The following NOL4 variants were observed in gnomAD, a reference collection of about 807,000 sequenced individuals.
NOL4 encodes nucleolar protein 4.
In NOL4, 17 loss-of-function variants were observed where a neutral mutation model predicts 75.9. The ratio of observed to expected loss-of-function variants is 0.22; its 90% CI spans 0.15 to 0.34. The LOEUF (loss-of-function observed/expected upper bound fraction) is 0.34, where lower values mean the gene tolerates loss of function less well. Among genes scored for constraint, NOL4 ranks in the 10% least tolerant of loss-of-function variants. The pLI, the probability that NOL4 is intolerant of heterozygous loss-of-function variation, is 1.00. For synonymous variants in NOL4, 292 were observed against 289.9 expected (o/e 1.01, Z -0.07); for missense variants, 614 against 793.5 (o/e 0.77, Z 2.72).
At chr18:33,926,978 T>C (rs1193473102) in intron 9 of NOL4, among the ~76,000 whole-genome samples, 1 of 152,224 alleles carries the variant, frequency 6.6e-6, no homozygotes, top group Non-Finnish European at 1.5e-5. Context: ...ACAGCTATAA[T>C]CTTTTTATGT....
chr18:34,163,648 G>A (rs900629793), intron 1 of NOL4, among the ~76,000 whole-genome samples: 50 of 152,134 alleles, frequency 3.3e-4, no homozygotes, highest in African/African-American at 1.1e-3. Flanking sequence ...TCAATACCGT[G>A]AAAATGGCTA....
At chr18:33,953,313 CA>C (rs577082931) in intron 8 of NOL4, among the ~76,000 whole-genome samples, 9 of 151,156 alleles carry the variant, frequency 6.0e-5, no homozygotes, top group Non-Finnish European at 1.3e-4. Flanking sequence ...CTTTTCTTTT[CA>C]AAAAGATCTC....
chr18:33,897,688 A>ACG (rs1413713382), intron 9 of NOL4, among the ~76,000 whole-genome samples: 7 of 152,106 alleles, frequency 4.6e-5, no homozygotes, highest in African/African-American at 1.7e-4. Flanking sequence ...ACAAAATAAT[A>ACG]CGTACAACAA....
At chr18:34,090,505 T>A (rs1284483314) in intron 5 of NOL4, among the ~76,000 whole-genome samples, 2 of 151,890 alleles carry the variant, frequency 1.3e-5, no homozygotes, top group African/African-American at 4.8e-5. Context: ...TTCATCTAGA[T>A]AGAGATGTTA....
intron 1 of NOL4, among the ~76,000 whole-genome samples, chr18:34,166,138 T>C (rs2146220242): frequency 6.6e-6 from 1 of 152,240 alleles, no homozygotes; most frequent in East Asian, 1.9e-4. Flanking sequence ...AAATATTCAT[T>C]AATATTTGTA....
intron 1 of NOL4, among the ~76,000 whole-genome samples, chr18:34,169,966 T>C (rs1055604017): frequency 6.6e-6 from 1 of 152,226 alleles, no homozygotes; most frequent in Non-Finnish European, 1.5e-5. Context: ...ACTTTGTATA[T>C]GCTGTTCTGT....
intron 9 of NOL4, among the ~76,000 whole-genome samples, chr18:33,923,107 C>G (rs149726143): frequency 2.0e-5 from 3 of 151,994 alleles, no homozygotes; most frequent in Non-Finnish European, 2.9e-5. Context: ...TAAAATTTCT[C>G]CTATAGGTGG....
At chr18:34,113,392 C>T (rs1451582529) in intron 2 of NOL4, among the ~76,000 whole-genome samples, 1 of 152,152 alleles carries the variant, frequency 6.6e-6, no homozygotes, top group Non-Finnish European at 1.5e-5. Context: ...GTAATCCCAA[C>T]AATTTGACAG....
chr18:33,998,720 G>A (rs751432844), intron 6 of NOL4, among the ~76,000 whole-genome samples: 2 of 152,104 alleles, frequency 1.3e-5, no homozygotes, highest in African/African-American at 2.4e-5. Flanking sequence ...GTATGTCCAC[G>A]TGACAAGTGT....
chr18:33,941,380 T>C (rs1371794710), intron 9 of NOL4, among the ~76,000 whole-genome samples: 1 of 151,984 alleles, frequency 6.6e-6, no homozygotes, highest in Non-Finnish European at 1.5e-5. Context: ...TTAGGTGGGA[T>C]GTATAGCTAG....
chr18:34,027,234 G>A (rs1227781573), intron 5 of NOL4, among the ~76,000 whole-genome samples: 1 of 152,128 alleles, frequency 6.6e-6, no homozygotes, highest in African/African-American at 2.4e-5. Context: ...TGATGATGAC[G>A]GTGGTTTGGA....
rs144343143 is a variant in NOL4 at position 34,127,127 on chromosome 18, C to T, written c.414+2744G>A. ...CATAAGAAATAATATATATACCCTC[C>T]AATTTTATCTAAAGTCAAATCAGAT... On this transcript the variant is annotated intron_variant, in intron 2 of 10. Transcript: ENST00000261592. Among the ~76,000 whole-genome samples, 895 of 151,878 alleles carry T rather than the reference C, an allele frequency of 5.9e-3. 10 individuals carry two copies. The highest frequency in any genetic ancestry group is 0.02 in the African/African-American group (824 of 41,502).
At chr18:34,131,077 C>G (rs1221485790) in intron 1 of NOL4, among the ~76,000 whole-genome samples, 1 of 147,172 alleles carries the variant, frequency 6.8e-6, no homozygotes, top group Non-Finnish European at 1.5e-5. Context: ...TACACCGACA[C>G]ACACACACAC....
chr18:33,858,851 G>A (rs377373382), intron 10 of NOL4, among the ~76,000 whole-genome samples: 77 of 152,036 alleles, frequency 5.1e-4, no homozygotes, highest in African/African-American at 1.2e-3. Context: ...TTTGTGTAAT[G>A]GTTACAAGTT....
chr18:34,203,303 A>G (rs1339532765), intron 1 of NOL4, among the ~76,000 whole-genome samples: 1 of 151,948 alleles, frequency 6.6e-6, no homozygotes, highest in African/African-American at 2.4e-5. Flanking sequence ...AAAGAGGTGG[A>G]TGTGATTATA....
At position 34,033,723 on chromosome 18, in the gene NOL4, C is replaced by T. The variant is rs62097846; in HGVS notation, c.773-14122G>A. On this transcript the variant is annotated intron_variant, in intron 5 of 10. Transcript: ENST00000261592. Reference sequence around the variant, plus strand: ...AGATCCCCAAACAGATAAAATGCAACAAGATCTTCATGGCACATTATAGTC... The same window carrying T: ...AGATCCCCAAACAGATAAAATGCAATAAGATCTTCATGGCACATTATAGTC... 9.7e-3 allele frequency among the ~76,000 whole-genome samples: 1,472 copies of T among 152,054 alleles called. 15 individuals carry two copies. The highest frequency in any genetic ancestry group is 0.012 in the Non-Finnish European group (807 of 67,960).
intron 5 of NOL4, among the ~76,000 whole-genome samples, chr18:34,036,471 A>T (rs2075903937): frequency 1.3e-5 from 2 of 152,192 alleles, no homozygotes; most frequent in African/African-American, 2.4e-5. Flanking sequence ...ACACAATAAA[A>T]GCTGTATACA....
rs555926819 is a variant in NOL4 at position 34,070,108 on chromosome 18, T to G, written c.772+23357A>C. 3.3e-5 allele frequency among the ~76,000 whole-genome samples: 5 copies of G among 152,354 alleles called. No homozygotes were observed. In the East Asian group the frequency reaches 7.7e-4, roughly 24 times the overall value. On this transcript the variant is annotated intron_variant, in intron 5 of 10. Transcript: ENST00000261592. ...GTGCATTGGCGCAATCCCGGCTCAC[T>G]GAAAGCTCCGCCTTCCGGGTTCACG...
intron 1 of NOL4, among the ~76,000 whole-genome samples, chr18:34,212,531 C>T (rs1235614406): frequency 6.6e-6 from 1 of 152,154 alleles, no homozygotes; most frequent in Non-Finnish European, 1.5e-5. Context: ...GAATGGCTTA[C>T]AACTTCTCAA....
Sources: gnomAD v4.1 joint callset for allele counts (sites outside exome capture counted in the v4.1 genomes callset) on GRCh38, gnomAD v4.1.1 for gene constraint, MANE v1.5 for transcripts, NCBI Gene and HGNC (gene_info 2026-07-23, HGNC 2026-07-21) for gene names.